PKHD1: variants seen among roughly 807,000 people sequenced by gnomAD.
PKHD1 encodes the protein PKHD1 ciliary IPT domain containing fibrocystin/polyductin, also known as fibrocystin.
A neutral mutation model predicts 412.0 loss-of-function variants in PKHD1; 291 were observed. The ratio of observed to expected loss-of-function variants is 0.71; its 90% CI spans 0.64 to 0.78. The LOEUF is 0.78. Ranked by LOEUF, PKHD1 falls within the 30% of genes least tolerant of loss-of-function variation. The pLI is 0.00. For missense variants in PKHD1, 4,825 were observed against 4,950.7 expected, an observed-to-expected ratio of 0.97 and a Z score of 0.76; for synonymous variants, 1,777 against 1,821.5, an observed-to-expected ratio of 0.98 and a Z score of 0.62.
chr6:51,982,292 A>G (rs1795515286), intron 35 of PKHD1, among the ~76,000 whole-genome samples: 1 of 63,138 alleles, frequency 1.6e-5, no homozygotes, highest in South Asian at 6.3e-4. Context: ...CCCGGCCACG[A>G]CCCCGTCTGG....
At chr6:51,964,788 T>TGA (rs1009355909) in intron 35 of PKHD1, among the ~76,000 whole-genome samples, 2 of 152,158 alleles carry the variant, frequency 1.3e-5, no homozygotes, top group African/African-American at 4.8e-5. Flanking sequence ...CAACTTTATT[T>TGA]ACCTTTTTTG....
chr6:51,709,847 TCA>T (rs2150752624), intron 60 of PKHD1, among the ~76,000 whole-genome samples: 2 of 93,088 alleles, frequency 2.1e-5, no homozygotes, highest in African/African-American at 1.0e-4. Flanking sequence ...TATGCTTTAG[TCA>T]TTTTTTTTTT....
At chr6:51,754,703 G>T (rs1022979296) in intron 56 of PKHD1, 81 bp downstream of exon 56, 4 of 1,205,876 alleles carry the variant, frequency 3.3e-6, no homozygotes, top group Admixed American at 3.4e-5. Flanking sequence ...ATGGCAATCA[G>T]ATCCGAGGTC....
intron 48 of PKHD1, among the ~76,000 whole-genome samples, chr6:51,859,297 C>T (rs773935289): frequency 2.5e-4 from 38 of 151,968 alleles, no homozygotes; most frequent in Non-Finnish European, 8.8e-5. Flanking sequence ...GACGCCGAGG[C>T]GGGTGGATCA....
In PKHD1 at chr6:51,986,042, A is replaced by C. The variant is rs537076996; in HGVS notation, c.5751+24267T>G. Among the ~76,000 whole-genome samples, 199 of 152,350 alleles carry C rather than the reference A, an allele frequency of 1.3e-3. 1 individual carries two copies. Among genetic ancestry groups the C allele is most frequent in the Admixed American group, 3.3e-3 (50 of 15,310 alleles). On this transcript the variant is annotated intron_variant, in intron 35 of 66. Coordinates refer to ENST00000371117, the MANE Select transcript of PKHD1 (RefSeq NM_138694.4). The stretch of plus-strand genomic sequence containing the variant: ...TATAATCAGCATATTTCCAGTTAGC[A>C]AAGTGAGAATGTAAGGTAAAAACGT...
At chr6:51,995,010 C>T (rs1797556182) in intron 35 of PKHD1, among the ~76,000 whole-genome samples, 1 of 152,220 alleles carries the variant, frequency 6.6e-6, no homozygotes, top group African/African-American at 2.4e-5. Flanking sequence ...TACCAGGAAT[C>T]TAAAACACCC....
chr6:51,999,817 A>G (rs1409513660), intron 35 of PKHD1, among the ~76,000 whole-genome samples: 2 of 152,186 alleles, frequency 1.3e-5, no homozygotes, highest in Admixed American at 6.5e-5. Context: ...CATGTCTAGT[A>G]TAGAACCACA....
intron 60 of PKHD1, among the ~76,000 whole-genome samples, chr6:51,685,636 G>A (rs1777324538): frequency 6.6e-6 from 1 of 152,106 alleles, no homozygotes; most frequent in Non-Finnish European, 1.5e-5. Flanking sequence ...TTGGCCTATA[G>A]TTACATGATT....
At chr6:51,861,615 C>A (rs1774197506) in intron 48 of PKHD1, among the ~76,000 whole-genome samples, 1 of 152,208 alleles carries the variant, frequency 6.6e-6, no homozygotes, top group Non-Finnish European at 1.5e-5. Flanking sequence ...TTTGCATGAG[C>A]ATCCTTTAAA....
At chr6:51,817,940 G>A (rs1765745047) in intron 52 of PKHD1, among the ~76,000 whole-genome samples, 1 of 152,164 alleles carries the variant, frequency 6.6e-6, no homozygotes, top group Non-Finnish European at 1.5e-5. Flanking sequence ...CACTACTGCT[G>A]CCTGAAAAAT....
intron 60 of PKHD1, among the ~76,000 whole-genome samples, chr6:51,732,925 A>C (rs542228045): frequency 6.6e-6 from 1 of 152,342 alleles, no homozygotes; most frequent in East Asian, 1.9e-4. Flanking sequence ...AAAATGTGGT[A>C]AGTTCATGCA....
chr6:52,018,368 C>T (rs1800862366), intron 33 of PKHD1, among the ~76,000 whole-genome samples: 1 of 152,118 alleles, frequency 6.6e-6, no homozygotes, highest in South Asian at 2.1e-4. Context: ...TGTATTCCTA[C>T]CAGCCATATT....
At chr6:51,870,737 G>T in intron 46 of PKHD1, 98 bp from the exon 47 acceptor site, 1 of 966,102 alleles carries the variant, frequency 1.0e-6, no homozygotes, top group Non-Finnish European at 1.6e-6. Context: ...ATAAAAAAGC[G>T]AGCTATTGAC....
At chr6:51,664,733 C>T (rs140698477) in intron 60 of PKHD1, among the ~76,000 whole-genome samples, 168 of 152,230 alleles carry the variant, frequency 1.1e-3, no homozygotes, top group Non-Finnish European at 2.1e-3. Context: ...AGCCAATTAC[C>T]TTCCTGATTG....
intron 36 of PKHD1, among the ~76,000 whole-genome samples, chr6:51,956,432 A>G (rs1000232599): frequency 6.6e-6 from 1 of 152,032 alleles, no homozygotes. Flanking sequence ...AATTTCACCC[A>G]GGACCATTTA....
At chr6:52,007,725 T>A (rs1415143399) in intron 35 of PKHD1, among the ~76,000 whole-genome samples, 1 of 152,174 alleles carries the variant, frequency 6.6e-6, no homozygotes, top group Non-Finnish European at 1.5e-5. Context: ...AGTTCCTAAA[T>A]CAAACCAAAC....
chr6:52,085,073 T>C (rs1582170041), intron 1 of PKHD1, 56 bp from the exon 2 acceptor site: 1 of 704,040 alleles, frequency 1.4e-6, no homozygotes, highest in East Asian at 2.6e-5. Flanking sequence ...CATACGATTA[T>C]TTTGCTGTTC....
At chr6:51,780,405 A>G (rs1582649358) in intron 53 of PKHD1, among the ~76,000 whole-genome samples, 1 of 151,954 alleles carries the variant, frequency 6.6e-6, no homozygotes, top group East Asian at 1.9e-4. Context: ...AAAAAAAAGA[A>G]AGTAAAAAAG....
chr6:51,742,895 C>A (rs535213514), intron 60 of PKHD1, among the ~76,000 whole-genome samples: 14 of 151,998 alleles, frequency 9.2e-5, no homozygotes, highest in Non-Finnish European at 1.6e-4. Flanking sequence ...TCTGAGGGTA[C>A]CTTATTTGAA....
Sources: allele counts gnomAD v4.1 joint callset (sites outside exome capture counted in the v4.1 genomes callset), GRCh38; gene constraint gnomAD v4.1.1; transcripts MANE v1.5; gene names NCBI Gene and HGNC (gene_info 2026-07-23, HGNC 2026-07-21).